The following CDH18 variants were observed in gnomAD, a reference collection of about 807,000 sequenced individuals.
CDH18 encodes the protein cadherin 18.
Under a neutral mutation model 67.9 loss-of-function variants are expected in CDH18, and 31 were observed. That is an observed-to-expected ratio of 0.46 (90% CI 0.34 to 0.62). The LOEUF (loss-of-function observed/expected upper bound fraction) is 0.62. Among genes scored for constraint, CDH18 ranks in the 20% least tolerant of loss-of-function variants. The pLI is 0.01. For missense variants in CDH18, 890 were observed against 975.5 expected, an observed-to-expected ratio of 0.91 and a Z score of 1.17; for synonymous variants, 362 against 347.2, an observed-to-expected ratio of 1.04 and a Z score of -0.48.
intron 2 of CDH18, among the ~76,000 whole-genome samples, chr5:20,144,559 A>G (rs1316423335): frequency 2.6e-5 from 4 of 152,156 alleles, no homozygotes; most frequent in Non-Finnish European, 5.9e-5. Context: ...TTTAAATAAT[A>G]TTTAGATGGG....
At chr5:19,925,718 C>T (rs1456981802) in intron 2 of CDH18, among the ~76,000 whole-genome samples, 2 of 152,030 alleles carry the variant, frequency 1.3e-5, no homozygotes, top group African/African-American at 4.8e-5. Context: ...GAACTCCTGA[C>T]CTTTTGATCC....
At position 20,057,327 on chromosome 5, in the gene CDH18, CT is replaced by C. The variant is rs1056339277; in HGVS notation, c.-517-65314del. 7.9e-5 allele frequency among the ~76,000 whole-genome samples: 12 copies of C among 152,068 alleles called. 1 individual carries two copies. The highest frequency in any genetic ancestry group is 5.9e-4 in the Admixed American group (9 of 15,274). ...CTTTGAAAATATTCATATCCTGAAT[CT>C]TTTTTTCTGTATGAATTTTGAATTT... On this transcript the variant is annotated intron_variant, in intron 2 of 14. Transcript: ENST00000507958.
rs527580955 is a variant in CDH18, at chr5:20,412,047, T to C, written c.-579-156542A>G. 1.4e-4 allele frequency among the ~76,000 whole-genome samples: 22 copies of C among 152,202 alleles called. No homozygotes were observed. The East Asian group carries it at 1.9e-3, about 13-fold the overall frequency. On this transcript the variant is annotated intron_variant, in intron 1 of 14. Coordinates refer to the CDH18 transcript ENST00000507958. ...AGAAAAAGCAATCCTAAAATTAATA[T>C]GGTATCAAAAAACAGCCTCAATAGA...
chr5:20,430,493 T>A (rs1748654412), intron 1 of CDH18, among the ~76,000 whole-genome samples: 1 of 152,202 alleles, frequency 6.6e-6, no homozygotes, highest in Admixed American at 6.5e-5. Flanking sequence ...TCATGCTATC[T>A]ACACATTTTA....
At chr5:20,410,159 C>T (rs1287945486) in intron 1 of CDH18, among the ~76,000 whole-genome samples, 1 of 143,806 alleles carries the variant, frequency 7.0e-6, no homozygotes, top group Non-Finnish European at 1.5e-5. Context: ...AATCTGATAC[C>T]AAAGCCAGAC....
chr5:20,075,490 A>T (rs1389219023), intron 2 of CDH18, among the ~76,000 whole-genome samples: 1 of 151,566 alleles, frequency 6.6e-6, no homozygotes, highest in African/African-American at 2.4e-5. Context: ...TGATAGAGAT[A>T]GACTCTGCCT....
chr5:20,406,418 C>G (rs1436240558), intron 1 of CDH18, among the ~76,000 whole-genome samples: 2 of 150,682 alleles, frequency 1.3e-5, no homozygotes, highest in East Asian at 3.9e-4. Flanking sequence ...GACCATCACA[C>G]CCCGGGGCCT....
chr5:20,312,499 T>C (rs1737085496), intron 1 of CDH18, among the ~76,000 whole-genome samples: 1 of 152,152 alleles, frequency 6.6e-6, no homozygotes, highest in Admixed American at 6.6e-5. Context: ...GAAGAAATGA[T>C]GATTTGCTCA....
chr5:20,057,906 G>A (rs572954933), intron 2 of CDH18, among the ~76,000 whole-genome samples: 3 of 152,174 alleles, frequency 2.0e-5, no homozygotes, highest in Admixed American at 2.0e-4. Flanking sequence ...AGATTCTTAA[G>A]CAATATTACT....
At chr5:20,118,669 T>C (rs1471596091) in intron 2 of CDH18, among the ~76,000 whole-genome samples, 2 of 152,144 alleles carry the variant, frequency 1.3e-5, no homozygotes, top group African/African-American at 4.8e-5. Flanking sequence ...GGAAAGCTGT[T>C]TCAACCTTCT....
At chr5:20,333,602 T>C (rs1261319207) in intron 1 of CDH18, among the ~76,000 whole-genome samples, 1 of 151,366 alleles carries the variant, frequency 6.6e-6, no homozygotes, top group African/African-American at 2.4e-5. Flanking sequence ...ATAAAGGTAA[T>C]CTTTGCCTTG....
At chr5:20,027,419 G>A (rs1291644225) in intron 2 of CDH18, among the ~76,000 whole-genome samples, 2 of 152,098 alleles carry the variant, frequency 1.3e-5, no homozygotes, top group Non-Finnish European at 2.9e-5. Flanking sequence ...AAAAAGAATT[G>A]GTGACAATTG....
intron 11 of CDH18, among the ~76,000 whole-genome samples, chr5:19,490,507 C>G (rs140899687): frequency 7.1e-6 from 1 of 141,686 alleles, no homozygotes; most frequent in Non-Finnish European, 1.5e-5. Context: ...CTTCACCTCG[C>G]GGGTTCAAGT....
chr5:19,969,030 A>G (rs56177391), intron 2 of CDH18, among the ~76,000 whole-genome samples: 4,231 of 133,362 alleles, frequency 0.032, 685 homozygotes, highest in East Asian at 0.21. Flanking sequence ...AAAAGTGGGC[A>G]AAGGACATGA....
intron 2 of CDH18, among the ~76,000 whole-genome samples, chr5:20,101,326 T>C (rs962174382): frequency 6.6e-6 from 1 of 152,232 alleles, no homozygotes; most frequent in African/African-American, 2.4e-5. Context: ...TCCAGACTTC[T>C]GCAACCAATA....
chr5:20,010,959 G>A (rs1039922296), intron 2 of CDH18, among the ~76,000 whole-genome samples: 1 of 152,092 alleles, frequency 6.6e-6, no homozygotes, highest in African/African-American at 2.4e-5. Context: ...CACAAACCTA[G>A]AATTCCAGAA....
intron 5 of CDH18, among the ~76,000 whole-genome samples, chr5:19,637,312 C>T (rs1349481426): frequency 3.3e-5 from 5 of 151,954 alleles, no homozygotes; most frequent in South Asian, 2.1e-4. Flanking sequence ...TATGCATTTA[C>T]CTCACCAGGT....
intron 2 of CDH18, among the ~76,000 whole-genome samples, chr5:20,065,900 C>T (rs564914862): frequency 6.6e-6 from 1 of 152,068 alleles, no homozygotes; most frequent in African/African-American, 2.4e-5. Flanking sequence ...AGGCAATCCT[C>T]ACAGTGTTTA....
chr5:19,724,512 T>TACACACACACAC (rs34923644), intron 4 of CDH18, among the ~76,000 whole-genome samples: 36 of 148,890 alleles, frequency 2.4e-4, no homozygotes, highest in African/African-American at 8.7e-4. Flanking sequence ...CACACAGACA[T>TACACACACACAC]ACACACACAC....
Sources: gnomAD v4.1 joint callset for allele counts (sites outside exome capture counted in the v4.1 genomes callset) on GRCh38, gnomAD v4.1.1 for gene constraint, MANE v1.5 for transcripts, NCBI Gene and HGNC (gene_info 2026-07-23, HGNC 2026-07-21) for gene names.